Variants in SLC13A4 observed in about 807,000 individuals in gnomAD.
SLC13A4 encodes Na(+)/sulfate cotransporter SUT-1.
A neutral mutation model predicts 72.7 loss-of-function variants in SLC13A4; 28 were observed. The ratio of observed to expected loss-of-function variants is 0.39; its 90% CI spans 0.29 to 0.53. SLC13A4 has a LOEUF of 0.53. Ranked by LOEUF, SLC13A4 falls within the 20% of genes least tolerant of loss-of-function variation. SLC13A4 has a pLI of 0.78. For missense variants in SLC13A4, 653 were observed against 788.0 expected (o/e 0.83, Z 2.05); for synonymous variants, 312 against 325.5 (o/e 0.96, Z 0.45).
chr7:135,721,410 G>T lies in SLC13A4; in HGVS notation c.213C>A (p.Val71=). 6.2e-7 allele frequency: 1 copy of T among 1,614,052 alleles called. No homozygotes were observed. The highest frequency in any genetic ancestry group is 8.5e-7 in the Non-Finnish European group (1 of 1,179,968). ...VPAFLYPFFG[V]LRSNEVAAEY... The stretch of plus-strand genomic sequence containing the variant: ...GTAGTCTAACCTCATTGGACCGGAG[G>T]ACTCCGAAGAACGGGTAAAGGAAGG... Residue 71 remains valine, a synonymous_variant, in exon 2 of 16, where the codon GTC becomes GTA. Coordinates refer to ENST00000682651, the MANE Select transcript of SLC13A4 (RefSeq NM_001318192.2).
At chr7:135,698,616 T>A (rs1399135692) in intron 8 of SLC13A4, among the ~76,000 whole-genome samples, 1 of 144,744 alleles carries the variant, frequency 6.9e-6, no homozygotes, top group African/African-American at 2.6e-5. Flanking sequence ...ATTACAGGTG[T>A]GAGCCACCGT....
intron 1 of SLC13A4, among the ~76,000 whole-genome samples, chr7:135,721,816 A>G (rs918642222): frequency 1.3e-5 from 2 of 152,214 alleles, no homozygotes; most frequent in African/African-American, 4.8e-5. Flanking sequence ...TGGGGACTGA[A>G]CTTAACTGCA....
chr7:135,699,214 A>T, intron 8 of SLC13A4, 150 bp downstream of exon 8: 1 of 797,618 alleles, frequency 1.3e-6, no homozygotes, highest in Non-Finnish European at 1.9e-6. Flanking sequence ...GTGCCTTATT[A>T]CAGATATGAG....
Position 135,681,241 on chromosome 7 carries a change from CTTT to C in SLC13A4, c.*319_*321del, listed in dbSNP as rs1430104525. Reference sequence around the variant, plus strand: ...AAGACTAGATACAACTTTAGGTTTTCTTTGTCTTCTTTTTTTTTAATTTAATTT... The same window carrying C: ...AAGACTAGATACAACTTTAGGTTTTCGTCTTCTTTTTTTTTAATTTAATTT... On this transcript the variant is annotated 3_prime_UTR_variant, in exon 16 of 16. Transcript: ENST00000682651. The C allele has an allele frequency of 9.2e-6, 2 of 217,052 alleles. No individual in the cohort carries two copies. Among genetic ancestry groups the C allele is most frequent in the African/African-American group, 2.3e-5 (1 of 43,890 alleles). 13.4% of individuals were successfully genotyped at this position (217,052 alleles called of 1,614,324 possible).
intron 2 of SLC13A4, among the ~76,000 whole-genome samples, chr7:135,720,876 G>A (rs1372726191): frequency 1.3e-5 from 2 of 152,178 alleles, no homozygotes; most frequent in South Asian, 2.1e-4. Context: ...TAAGTCGGGC[G>A]AGAAGAAAAA....
At chr7:135,682,876 A>T (rs1451280831) in intron 15 of SLC13A4, among the ~76,000 whole-genome samples, 1 of 152,124 alleles carries the variant, frequency 6.6e-6, no homozygotes, top group African/African-American at 2.4e-5. Context: ...GAGACAGGAG[A>T]GCTGGGGTAG....
intron 2 of SLC13A4, among the ~76,000 whole-genome samples, chr7:135,711,262 G>A (rs1796294683): frequency 6.6e-6 from 1 of 152,098 alleles, no homozygotes. Flanking sequence ...TCAAGTCAGT[G>A]CGACTGGGGT....
rs187331491 is a variant in SLC13A4 at position 135,686,435 on chromosome 7, G to C, written c.1447-752C>G. On this transcript the variant is annotated intron_variant, in intron 13 of 15. Coordinates refer to ENST00000682651, the MANE Select transcript of SLC13A4 (RefSeq NM_001318192.2). ...CCCAGGGTCCAGGATGAGTGCAGCAGCATGATCACAGCTCACTGCAGTCTC... is the reference window on the plus strand; with the variant it reads ...CCCAGGGTCCAGGATGAGTGCAGCACCATGATCACAGCTCACTGCAGTCTC... 2.1e-4 allele frequency among the ~76,000 whole-genome samples: 32 copies of C among 152,288 alleles called. No individual in the cohort carries two copies. In the East Asian group the frequency reaches 6.0e-3, roughly 29 times the overall value.
intron 2 of SLC13A4, among the ~76,000 whole-genome samples, chr7:135,715,408 AGT>A (rs558861759): frequency 0.014 from 1,714 of 120,138 alleles, 27 homozygotes; most frequent in African/African-American, 0.053. Flanking sequence ...TGTGTGTATG[AGT>A]GTGTGTATGA....
intron 1 of SLC13A4, among the ~76,000 whole-genome samples, chr7:135,724,312 T>C (rs908264904): frequency 6.6e-6 from 1 of 152,090 alleles, no homozygotes; most frequent in Non-Finnish European, 1.5e-5. Flanking sequence ...CTGGCCAACA[T>C]GGCGAAACCC....
chr7:135,689,350 T>C (rs1015021445), intron 13 of SLC13A4, among the ~76,000 whole-genome samples: 5 of 152,174 alleles, frequency 3.3e-5, no homozygotes, highest in African/African-American at 1.2e-4. Flanking sequence ...TGATGAACAG[T>C]TAAAAAGAAT....
chr7:135,691,342 T>G lies in SLC13A4; in HGVS notation c.1322-17A>C. On this transcript the variant is annotated splice_polypyrimidine_tract_variant and intron_variant, in intron 12 of 15. Coordinates refer to ENST00000682651, the MANE Select transcript of SLC13A4 (RefSeq NM_001318192.2). ...GGTTCTCTCCTGGATTAGAGAGAGA[T>G]GTAAAGCCAGATAAACCCTGATGGA... 6.2e-7 allele frequency: 1 copy of G among 1,603,254 alleles called. No homozygotes were observed. Among genetic ancestry groups the G allele is most frequent in the African/African-American group, 1.4e-5 (1 of 73,742 alleles).
At position 135,684,160 on chromosome 7, in the gene SLC13A4, G is replaced by T. The variant is rs894483899; in HGVS notation, c.1710C>A (p.Ile570=). The change falls in exon 15 of 16, where the codon ATC becomes ATA. Residue 570 remains isoleucine, a synonymous_variant. Coordinates refer to ENST00000682651, the MANE Select transcript of SLC13A4 (RefSeq NM_001318192.2). ...TCTGGCAGTGCCCATAGCTGAAGAC[G>T]ATGGCATTAGGGGGATTGCCCACAG... ...MLPVGNPPNA[I]VFSYGHCQIK... The T allele has an allele frequency of 6.2e-7, 1 of 1,612,254 alleles. No individual in the cohort carries two copies. Among genetic ancestry groups the T allele is most frequent in the Non-Finnish European group, 8.5e-7 (1 of 1,179,030 alleles).
At chr7:135,694,322 T>C (rs1795855656) in intron 9 of SLC13A4, 84 bp from the exon 10 acceptor site, 1 of 811,412 alleles carries the variant, frequency 1.2e-6, no homozygotes. Flanking sequence ...ACTAAACCGC[T>C]TGCCTGCTGT....
chr7:135,721,552 C>A, intron 1 of SLC13A4, 29 bp from the exon 2 acceptor site: 1 of 1,612,742 alleles, frequency 6.2e-7, no homozygotes, highest in Non-Finnish European at 8.5e-7. Context: ...GGCCGTCATT[C>A]ACAGGAATAG....
chr7:135,694,318 C>T (rs1382698648), intron 9 of SLC13A4, 80 bp from the exon 10 acceptor site: 5 of 847,378 alleles, frequency 5.9e-6, no homozygotes, highest in Non-Finnish European at 9.8e-6. Flanking sequence ...AAATACTAAA[C>T]CGCTTGCCTG....
intron 2 of SLC13A4, among the ~76,000 whole-genome samples, chr7:135,710,834 C>A (rs1163782027): frequency 1.3e-5 from 2 of 152,162 alleles, no homozygotes; most frequent in African/African-American, 4.8e-5. Flanking sequence ...GGGGGAAAAG[C>A]CCCTGCTTCT....
At chr7:135,723,659 C>T (rs372561559) in intron 1 of SLC13A4, among the ~76,000 whole-genome samples, 2 of 152,254 alleles carry the variant, frequency 1.3e-5, no homozygotes, top group African/African-American at 4.8e-5. Context: ...GAACACGCGT[C>T]CTCAAACTCT....
intron 1 of SLC13A4, among the ~76,000 whole-genome samples, chr7:135,725,209 C>T (rs1033333448): frequency 4.1e-4 from 62 of 152,210 alleles, no homozygotes; most frequent in African/African-American, 1.5e-3. Context: ...CCATGTAGGA[C>T]GTTTCCTAGT....
Sources: allele counts gnomAD v4.1 joint callset (sites outside exome capture counted in the v4.1 genomes callset), GRCh38; gene constraint gnomAD v4.1.1; transcripts MANE v1.5; gene names NCBI Gene and HGNC (gene_info 2026-07-23, HGNC 2026-07-21).